Variants in EHHADH observed in about 807,000 individuals in gnomAD.
EHHADH encodes the protein enoyl-CoA hydratase and 3-hydroxyacyl CoA dehydrogenase, also known as peroxisomal bifunctional enzyme.
EHHADH carries 48 observed loss-of-function variants against 64.4 expected under a neutral mutation model. That is an observed-to-expected ratio of 0.75 (90% CI 0.59 to 0.95). The LOEUF (loss-of-function observed/expected upper bound fraction) is 0.95. Ranked by LOEUF, EHHADH falls within the 40% of genes least tolerant of loss-of-function variation. The pLI, the probability that EHHADH is intolerant of heterozygous loss-of-function variation, is 0.00. For missense variants in EHHADH, 854 were observed against 876.6 expected (o/e 0.97, Z 0.33); for synonymous variants, 308 against 326.7 (o/e 0.94, Z 0.62).
intron 3 of EHHADH, among the ~76,000 whole-genome samples, chr3:185,232,691 G>A (rs540554234): frequency 3.9e-5 from 6 of 152,210 alleles, no homozygotes; most frequent in East Asian, 1.9e-4. Context: ...CAGGTGATCC[G>A]CCTGCCTTGG....
intron 2 of EHHADH, among the ~76,000 whole-genome samples, chr3:185,241,803 T>C (rs1443491650): frequency 6.6e-6 from 1 of 152,220 alleles, no homozygotes; most frequent in Non-Finnish European, 1.5e-5. Flanking sequence ...TTAGTTTAAT[T>C]AACTCCCAAC....
chr3:185,193,612 A>C, intron 6 of EHHADH, 125 bp from the exon 7 acceptor site: 1 of 1,108,342 alleles, frequency 9.0e-7, no homozygotes, highest in Non-Finnish European at 1.3e-6. Context: ...AGAAACACAA[A>C]TGGATTGAGT....
Position 185,193,278 on chromosome 3 carries a change from C to T in EHHADH, c.1120G>A (p.Gly374Ser). The T allele has an allele frequency of 1.2e-6, 2 of 1,604,348 alleles. No individual in the cohort carries two copies. ...RLTSSVKELG[G>S]VDLVIEAVFE... ...ACTGCTTCAATGACTAAATCTACAC[C>T]ACCAAGCTCCTTCACAGATGAAGTT... Residue 374 changes from glycine to serine, a missense_variant, in exon 7 of 7, where the codon GGT becomes AGT. Transcript: ENST00000231887.
rs753610447 is a variant in EHHADH, at chr3:185,204,498, C to G, written c.828G>C (p.Arg276Ser). 86 of 1,614,062 alleles carry G rather than the reference C, an allele frequency of 5.3e-5. No homozygotes were observed. Among genetic ancestry groups the G allele is most frequent in the Non-Finnish European group, 6.6e-5 (78 of 1,180,056 alleles). ...AGGGAGTTGACCACTTATTTGCTTT[C>G]CTTTCAGCGAAGAAAGCATATTGCA... ...RALQYAFFAE[R>S]KANKWSTPSG... Residue 276 changes from arginine (R) to serine (S), a missense_variant, in exon 6 of 7, where the codon AGG (arginine) becomes AGC (serine). Physicochemically the swap from Arg to Ser is moderately radical, Grantham distance 110. Transcript: ENST00000231887.
intron 2 of EHHADH, 90 bp downstream of exon 2, chr3:185,248,324 G>A: frequency 1.1e-6 from 1 of 947,086 alleles, no homozygotes; most frequent in Non-Finnish European, 1.7e-6. Flanking sequence ...CCTACACTAA[G>A]TTATTACCAA....
chr3:185,209,676 AATATAG>A (rs1339983740), intron 5 of EHHADH, among the ~76,000 whole-genome samples: 1 of 152,254 alleles, frequency 6.6e-6, no homozygotes, highest in Non-Finnish European at 1.5e-5. Context: ...TGCACATGGT[AATATAG>A]ATATATTGTA....
intron 5 of EHHADH, among the ~76,000 whole-genome samples, chr3:185,208,045 G>A (rs955758654): frequency 3.3e-5 from 5 of 152,232 alleles, no homozygotes; most frequent in Non-Finnish European, 5.9e-5. Context: ...CAGACTCTAA[G>A]TAATGGGCTG....
chr3:185,221,392 C>T (rs1718828818), intron 4 of EHHADH, among the ~76,000 whole-genome samples: 1 of 152,072 alleles, frequency 6.6e-6, no homozygotes, highest in Non-Finnish European at 1.5e-5. Flanking sequence ...AAATAGTTCA[C>T]ATTCTTTAAA....
chr3:185,230,493 A>G lies in EHHADH; in HGVS notation c.352-950T>C, dbSNP rs139911446. 3.9e-3 allele frequency among the ~76,000 whole-genome samples: 600 copies of G among 152,386 alleles called. 3 individuals carry two copies. Among genetic ancestry groups the G allele is most frequent in the African/African-American group, 0.014 (581 of 41,594 alleles). On this transcript the variant is annotated intron_variant, in intron 3 of 6. Coordinates refer to ENST00000231887, the MANE Select transcript of EHHADH (RefSeq NM_001966.4). The stretch of plus-strand genomic sequence containing the variant: ...AATGGAATATTATTCAGCAAAATCA[A>G]TAAAGAACTGATTCATGCTACAACG...
chr3:185,226,724 T>C (rs1255033728), intron 4 of EHHADH: 1 of 151,734 alleles, frequency 6.6e-6, no homozygotes, highest in Non-Finnish European at 1.5e-5. Context: ...CACAGTGTCT[T>C]GACTCCGATC....
Position 185,192,095 on chromosome 3 carries a change from A to T in EHHADH, c.*131T>A. On this transcript the variant is annotated 3_prime_UTR_variant, in exon 7 of 7. Coordinates refer to ENST00000231887, the MANE Select transcript of EHHADH (RefSeq NM_001966.4). ...TTTGACCATTAGAGTCGTTACACAG[A>T]AGATTCTAATGATTATTTATTTTGC... 9.1e-7 allele frequency: 1 copy of T among 1,095,912 alleles called. No individual in the cohort carries two copies. Among genetic ancestry groups the T allele is most frequent in the South Asian group, 1.6e-5 (1 of 62,122 alleles). 67.9% of individuals were successfully genotyped at this position (1,095,912 alleles called of 1,614,324 possible).
intron 5 of EHHADH, among the ~76,000 whole-genome samples, chr3:185,210,131 T>C (rs1258271781): frequency 6.6e-6 from 1 of 152,168 alleles, no homozygotes; most frequent in African/African-American, 2.4e-5. Context: ...GTGCAATCTA[T>C]GCCATGTAAC....
chr3:185,192,538 A>T lies in EHHADH; in HGVS notation c.1860T>A (p.Leu620=), dbSNP rs1247195682. 1.2e-5 allele frequency: 19 copies of T among 1,614,202 alleles called. 1 individual carries two copies. In the South Asian group the frequency reaches 1.9e-4, roughly 16 times the overall value. The change falls in exon 7 of 7, where the codon CTT becomes CTA. Residue 620 remains leucine (L), a synonymous_variant. Coordinates refer to ENST00000231887, the MANE Select transcript of EHHADH (RefSeq NM_001966.4). Reference sequence around the variant, plus strand: ...TGATAAGTGAATATAAGCAGCGTTCAAGGATCTCATCCTGGCTAATGGTAC... The same window carrying T: ...TGATAAGTGAATATAAGCAGCGTTCTAGGATCTCATCCTGGCTAATGGTAC... ...EPRTISQDEI[L]ERCLYSLINE... is the part of the protein sequence containing the mutation.
At chr3:185,220,337 GATATC>G (rs1718799165) in intron 4 of EHHADH, among the ~76,000 whole-genome samples, 1 of 152,216 alleles carries the variant, frequency 6.6e-6, no homozygotes, top group African/African-American at 2.4e-5. Flanking sequence ...ATATGATTAC[GATATC>G]ATATATTTAC....
intron 5 of EHHADH, among the ~76,000 whole-genome samples, chr3:185,206,836 A>T (rs550492317): frequency 1.4e-3 from 212 of 151,746 alleles, no homozygotes; most frequent in Middle Eastern, 6.8e-3. Context: ...TCCAAAAAAA[A>T]CAGAAAAAAA....
Position 185,204,463 on chromosome 3 carries a change from G to C in EHHADH, c.863C>G (p.Ser288Trp). 1 of 1,613,498 alleles carries C rather than the reference G, an allele frequency of 6.2e-7. No individual in the cohort carries two copies. Among genetic ancestry groups the C allele is most frequent in the Admixed American group, 1.7e-5 (1 of 60,004 alleles). Reference sequence around the variant, plus strand: ...AGGCCGCGCTGATGCTGTTTTCCACGATGCTCCGGAGGGAGTTGACCACTT... The same window carrying C: ...AGGCCGCGCTGATGCTGTTTTCCACCATGCTCCGGAGGGAGTTGACCACTT... ...ANKWSTPSGASWKTASARPVS... is the reference protein window; with the variant it reads ...ANKWSTPSGAWWKTASARPVS... The change falls in exon 6 of 7, where the codon TCG (serine) becomes TGG (tryptophan). Residue 288 changes from serine to tryptophan, a missense_variant. Transcript: ENST00000231887.
intron 5 of EHHADH, among the ~76,000 whole-genome samples, chr3:185,213,430 A>G (rs1292144022): frequency 6.6e-6 from 1 of 152,184 alleles, no homozygotes; most frequent in Non-Finnish European, 1.5e-5. Flanking sequence ...CCATGGCTCT[A>G]GATCAAGACA....
At position 185,192,421 on chromosome 3, in the gene EHHADH, G is replaced by T. The variant is rs1369615875; in HGVS notation, c.1977C>A (p.His659Gln). ...VYLHGYGWPR[H>Q]KGGPMFYAST... ...AAGCATAGAACATGGGCCCGCCCTT[G>T]TGCCTTGGCCATCCATATCCATGTA... Residue 659 changes from histidine (H) to glutamine (Q), a missense_variant, in exon 7 of 7, where the codon CAC (histidine) becomes CAA (glutamine). Coordinates refer to ENST00000231887, the MANE Select transcript of EHHADH (RefSeq NM_001966.4). 13 of 1,614,102 alleles carry T rather than the reference G, an allele frequency of 8.1e-6. No homozygotes were observed. Among genetic ancestry groups the T allele is most frequent in the Non-Finnish European group, 1.0e-5 (12 of 1,180,050 alleles).
intron 6 of EHHADH, among the ~76,000 whole-genome samples, chr3:185,197,030 A>G (rs1718082039): frequency 6.6e-6 from 1 of 152,052 alleles, no homozygotes; most frequent in African/African-American, 2.4e-5. Context: ...GCCAGACACA[A>G]AAGGCTACAT....
Sources: gnomAD v4.1 joint callset for allele counts (sites outside exome capture counted in the v4.1 genomes callset) on GRCh38, gnomAD v4.1.1 for gene constraint, MANE v1.5 for transcripts, NCBI Gene and HGNC (gene_info 2026-07-23, HGNC 2026-07-21) for gene names.